TESMIN: variants seen among roughly 807,000 people sequenced by gnomAD.
TESMIN encodes CXC domain containing 2.
In TESMIN, 34 loss-of-function variants were observed where a neutral mutation model predicts 47.4. The ratio of observed to expected loss-of-function variants is 0.72; its 90% CI spans 0.55 to 0.96. TESMIN has a LOEUF of 0.96. Among genes scored for constraint, TESMIN ranks in the 40% least tolerant of loss-of-function variants. TESMIN has a pLI of 0.00. For missense variants in TESMIN, 610 were observed against 637.2 expected (o/e 0.96, Z 0.46); for synonymous variants, 278 against 258.9 (o/e 1.07, Z -0.71).
chr11:68,738,080 C>A (rs1465774517), intron 6 of TESMIN: 2 of 985,634 alleles, frequency 2.0e-6, no homozygotes, highest in Non-Finnish European at 2.4e-6. Flanking sequence ...CTGATAATTT[C>A]AACCAGCTGA....
chr11:68,712,020 G>A (rs1234633527), intron 8 of TESMIN, among the ~76,000 whole-genome samples: 1 of 152,254 alleles, frequency 6.6e-6, no homozygotes, highest in Non-Finnish European at 1.5e-5. Context: ...GCTGAGAGAT[G>A]CATCTTCAGG....
At chr11:68,721,587 G>C (rs1946204679) in intron 6 of TESMIN, among the ~76,000 whole-genome samples, 1 of 152,136 alleles carries the variant, frequency 6.6e-6, no homozygotes, top group Non-Finnish European at 1.5e-5. Flanking sequence ...TGTCTTCCCT[G>C]TTCCTGAGAT....
intron 6 of TESMIN, among the ~76,000 whole-genome samples, chr11:68,720,156 GTAAAA>G (rs1946188507): frequency 6.6e-6 from 1 of 152,156 alleles, no homozygotes; most frequent in African/African-American, 2.4e-5. Context: ...TGCATACCCA[GTAAAA>G]GTATGTTTAC....
chr11:68,748,376 T>G (rs969368091), intron 2 of TESMIN, among the ~76,000 whole-genome samples: 1 of 152,262 alleles, frequency 6.6e-6, no homozygotes, highest in African/African-American at 2.4e-5. Flanking sequence ...ATTTAGAAAT[T>G]TTAAATTTCA....
At chr11:68,735,433 G>A (rs1266212521) in intron 6 of TESMIN, among the ~76,000 whole-genome samples, 1 of 152,186 alleles carries the variant, frequency 6.6e-6, no homozygotes, top group Non-Finnish European at 1.5e-5. Flanking sequence ...ACAGGCCCAC[G>A]AGTATCTACA....
At position 68,750,482 on chromosome 11, in the gene TESMIN, T is replaced by G; in HGVS notation, c.179A>C (p.Lys60Thr). 6.2e-7 allele frequency: 1 copy of G among 1,602,346 alleles called. No homozygotes were observed. The highest frequency in any genetic ancestry group is 8.5e-7 in the Non-Finnish European group (1 of 1,175,056). Residue 60 changes from lysine to threonine, a missense_variant, in exon 2 of 10, where the codon AAG becomes ACG. By Grantham distance (78) the Lys-to-Thr change is moderately conservative. Coordinates refer to ENST00000255087, the MANE Select transcript of TESMIN (RefSeq NM_004923.3). ...KEAYLGPADP[K>T]EPVLHAFNPA... Reference sequence around the variant, plus strand: ...GTTGAACGCGTGCAGGACGGGTTCCTTGGGGTCCGCCGGGCCCAGGTACGC... The same window carrying G: ...GTTGAACGCGTGCAGGACGGGTTCCGTGGGGTCCGCCGGGCCCAGGTACGC...
intron 2 of TESMIN, among the ~76,000 whole-genome samples, chr11:68,749,699 A>T (rs946001764): frequency 6.6e-6 from 1 of 152,190 alleles, no homozygotes; most frequent in African/African-American, 2.4e-5. Flanking sequence ...CAAGGCCCGG[A>T]AAATCCAAGT....
chr11:68,719,551 C>T (rs545909334), intron 6 of TESMIN, among the ~76,000 whole-genome samples: 4 of 152,050 alleles, frequency 2.6e-5, no homozygotes, highest in Non-Finnish European at 4.4e-5. Flanking sequence ...TAATTCAGAC[C>T]TGTTATTTAG....
chr11:68,733,897 C>T (rs890234863), intron 6 of TESMIN, among the ~76,000 whole-genome samples: 27 of 152,184 alleles, frequency 1.8e-4, no homozygotes, highest in African/African-American at 6.3e-4. Flanking sequence ...ATGGAACTAG[C>T]ACCACCAAAC....
At chr11:68,720,563 T>A (rs1946192835) in intron 6 of TESMIN, among the ~76,000 whole-genome samples, 1 of 152,180 alleles carries the variant, frequency 6.6e-6, no homozygotes, top group Non-Finnish European at 1.5e-5. Context: ...GAAATCTCTA[T>A]CTTCAATTCA....
chr11:68,745,499 T>C (rs1309059616), intron 3 of TESMIN, among the ~76,000 whole-genome samples: 1 of 152,168 alleles, frequency 6.6e-6, no homozygotes, highest in African/African-American at 2.4e-5. Flanking sequence ...GCTGCTCCGC[T>C]AAGCCCCAGC....
intron 6 of TESMIN, among the ~76,000 whole-genome samples, chr11:68,717,014 C>T (rs910359812): frequency 6.6e-6 from 1 of 152,182 alleles, no homozygotes; most frequent in Non-Finnish European, 1.5e-5. Flanking sequence ...CTCAGCCTCC[C>T]AGTCCCAAAG....
chr11:68,744,946 A>G (rs1019376143), intron 4 of TESMIN, 45 bp downstream of exon 4: 1 of 1,454,402 alleles, frequency 6.9e-7, no homozygotes, highest in Non-Finnish European at 9.2e-7. Context: ...TTCATTTACC[A>G]ACTTACATAT....
chr11:68,736,332 T>C (rs768365412), intron 6 of TESMIN: 188 of 985,326 alleles, frequency 1.9e-4, no homozygotes, highest in Non-Finnish European at 2.1e-4. Context: ...CCCCCAACCC[T>C]AACAAATGAC....
chr11:68,708,279 A>T lies in TESMIN; in HGVS notation c.*29T>A, dbSNP rs1391709926. On this transcript the variant is annotated 3_prime_UTR_variant, in exon 10 of 10. Coordinates refer to ENST00000255087, the MANE Select transcript of TESMIN (RefSeq NM_004923.3). ...AAACTAGAGATTTCTAGACTAAGAC[A>T]AAATCAACATGCATTCACACTTTAT... is the stretch of plus-strand genomic sequence containing the variant. 1.3e-6 allele frequency: 2 copies of T among 1,537,292 alleles called. No individual in the cohort carries two copies.
chr11:68,704,932 C>T (rs117119982), downstream of TESMIN, among the ~76,000 whole-genome samples: 1,285 of 152,304 alleles, frequency 8.4e-3, 7 homozygotes, highest in Non-Finnish European at 0.012. Context: ...CAATGACAGT[C>T]TTCAATTCCA....
rs1170879792 is a variant in TESMIN, at chr11:68,736,526, G to T, written c.917+2174C>A. On this transcript the variant is annotated intron_variant, in intron 6 of 9. Transcript: ENST00000255087. ...CTTTCTTACCACCAAAAATAAATTGGTAGAGATTCCAGTATATCATCAGTA... is the reference window on the plus strand; with the variant it reads ...CTTTCTTACCACCAAAAATAAATTGTTAGAGATTCCAGTATATCATCAGTA... The T allele has an allele frequency of 1.1e-5, 11 of 985,368 alleles. No individual in the cohort carries two copies. In the Admixed American group the frequency reaches 5.5e-4, roughly 50 times the overall value. 61.0% of individuals were successfully genotyped at this position (985,368 alleles called of 1,614,324 possible).
intron 3 of TESMIN, among the ~76,000 whole-genome samples, chr11:68,746,743 G>A (rs1376423292): frequency 6.6e-6 from 1 of 152,188 alleles, no homozygotes; most frequent in African/African-American, 2.4e-5. Flanking sequence ...GAGTTGTTAG[G>A]AGGATTAAAT....
At position 68,750,711 on chromosome 11, in the gene TESMIN, G is replaced by A; in HGVS notation, c.-39-12C>T. On this transcript the variant is annotated splice_polypyrimidine_tract_variant and intron_variant, in intron 1 of 9. Coordinates refer to ENST00000255087, the MANE Select transcript of TESMIN (RefSeq NM_004923.3). ...CGGGGGCCGCGCACCTGCAACACGCGGCCAGGTGAGAGGCAGCCAGAGGAG... is the reference window on the plus strand; with the variant it reads ...CGGGGGCCGCGCACCTGCAACACGCAGCCAGGTGAGAGGCAGCCAGAGGAG... 1.5e-6 allele frequency: 2 copies of A among 1,349,936 alleles called. No homozygotes were observed. The highest frequency in any genetic ancestry group is 2.0e-6 in the Non-Finnish European group (2 of 1,022,630). The allele number at this position is 1,349,936 out of a possible 1,614,324, so 83.6% of individuals were successfully genotyped here. A position where few individuals can be genotyped will look rare whatever the true frequency, so the allele number is the denominator to read the frequency against.
Sources: gnomAD v4.1 joint callset for allele counts (sites outside exome capture counted in the v4.1 genomes callset) on GRCh38, gnomAD v4.1.1 for gene constraint, MANE v1.5 for transcripts, NCBI Gene and HGNC (gene_info 2026-07-23, HGNC 2026-07-21) for gene names.